AKAP8: variants seen among roughly 807,000 people sequenced by gnomAD.
AKAP8 encodes A-kinase anchoring protein 8.
A neutral mutation model predicts 67.5 loss-of-function variants in AKAP8; 24 were observed. That is an observed-to-expected ratio of 0.36 (90% CI 0.26 to 0.50). AKAP8 has a LOEUF of 0.50. AKAP8 is among the 20% of genes least tolerant of loss of function. AKAP8 has a pLI of 0.97. For missense variants in AKAP8, 971 were observed against 955.9 expected (o/e 1.02, Z -0.21); for synonymous variants, 400 against 371.1 (o/e 1.08, Z -0.90).
chr19:15,360,306 C>T (rs944613590), intron 12 of AKAP8, among the ~76,000 whole-genome samples: 21 of 152,180 alleles, frequency 1.4e-4, no homozygotes, highest in Non-Finnish European at 1.8e-4. Flanking sequence ...GCAGAGCAAA[C>T]GCAGCCACAG....
intron 2 of AKAP8, 99 bp from the exon 3 acceptor site, chr19:15,374,734 G>T: frequency 7.0e-7 from 1 of 1,435,756 alleles, no homozygotes; most frequent in Non-Finnish European, 9.7e-7. Flanking sequence ...CCCAGGGCCA[G>T]GGCTTCCCTC....
At chr19:15,364,338 TTTTTA>T (rs918510451) in intron 9 of AKAP8, among the ~76,000 whole-genome samples, 8 of 151,362 alleles carry the variant, frequency 5.3e-5, no homozygotes, top group East Asian at 3.9e-4. Context: ...AATTTTTGTA[TTTTTA>T]TTTTATTTTA....
intron 11 of AKAP8, 22 bp from the exon 12 acceptor site, chr19:15,361,000 G>A (rs1395772997): frequency 1.9e-6 from 3 of 1,609,564 alleles, no homozygotes; most frequent in Non-Finnish European, 2.5e-6. Flanking sequence ...CGCATGTCTT[G>A]TAGGATCTGG....
chr19:15,361,704 C>T, intron 11 of AKAP8, 25 bp downstream of exon 11: 1 of 1,584,744 alleles, frequency 6.3e-7, no homozygotes, highest in Non-Finnish European at 8.7e-7. Flanking sequence ...TCCAGGAAAG[C>T]ACTCATCCTG....
chr19:15,364,104 T>C (rs867837575), intron 9 of AKAP8, among the ~76,000 whole-genome samples: 293 of 7,750 alleles, frequency 0.038, 13 homozygotes, highest in African/African-American at 0.16. Context: ...AAATTGGCAG[T>C]GGGCAAAAAA....
chr19:15,368,701 AAGAGGC>A (rs1288027751), intron 8 of AKAP8: 10 of 985,188 alleles, frequency 1.0e-5, no homozygotes, highest in Non-Finnish European at 1.1e-5. Context: ...TCCCCGGATG[AAGAGGC>A]GGCAGCTGAA....
chr19:15,368,798 G>A (rs940322603), intron 8 of AKAP8: 16 of 985,194 alleles, frequency 1.6e-5, no homozygotes, highest in Admixed American at 1.2e-4. Flanking sequence ...TGGCGGCCCC[G>A]TCTGAACTAG....
Position 15,369,162 on chromosome 19 carries a change from G to A in AKAP8, c.1073-840C>T. 1.0e-6 allele frequency: 1 copy of A among 985,530 alleles called. No individual in the cohort carries two copies. The highest frequency in any genetic ancestry group is 1.2e-6 in the Non-Finnish European group (1 of 829,984). 61.0% of individuals were successfully genotyped at this position (985,530 alleles called of 1,614,324 possible). A position where few individuals can be genotyped will look rare whatever the true frequency, so the allele number is the denominator to read the frequency against. ...AGGGCGTGTGGGATTTTTGGCAAGAGGTCACTGCCTGAAACTATGACTGCT... is the reference window on the plus strand; with the variant it reads ...AGGGCGTGTGGGATTTTTGGCAAGAAGTCACTGCCTGAAACTATGACTGCT... On this transcript the variant is annotated intron_variant, in intron 8 of 13. Coordinates refer to ENST00000269701, the MANE Select transcript of AKAP8 (RefSeq NM_005858.4). This position sits in a 1 kb window ranked among gnomAD's most constrained non-coding sequence, Gnocchi z 4.6.
In AKAP8 at chr19:15,354,994, ACT is replaced by A. The variant is rs767226233; in HGVS notation, c.1998_1999del (p.Arg666SerfsTer11). Reference sequence around the variant, plus strand: ...ATCCGCGGCAGCTGGGGCAGGAGCAACTCTGGTTTGGGCACTTTCTGCCTCTG... The same window carrying A: ...ATCCGCGGCAGCTGGGGCAGGAGCAACTGGTTTGGGCACTTTCTGCCTCTG... On this transcript the variant is annotated frameshift_variant, in exon 14 of 14. Transcript: ENST00000269701. LOFTEE classifies it low-confidence loss of function (END_TRUNC). The A allele has an allele frequency of 6.2e-7, 1 of 1,613,476 alleles. No individual in the cohort carries two copies. The highest frequency in any genetic ancestry group is 1.1e-5 in the South Asian group (1 of 91,012).
At chr19:15,361,696 C>T (rs770473890) in intron 11 of AKAP8, 33 bp downstream of exon 11, 18 of 1,579,158 alleles carry the variant, frequency 1.1e-5, no homozygotes, top group East Asian at 4.5e-5. Context: ...TACTACCATC[C>T]AGGAAAGCAC....
chr19:15,377,085 T>C (rs1206496157), intron 1 of AKAP8, 71 bp from the exon 2 acceptor site: 19 of 1,509,646 alleles, frequency 1.3e-5, no homozygotes, highest in Non-Finnish European at 1.7e-5. Context: ...GGGGTACTCC[T>C]AAAGGGATCT....
At chr19:15,378,807 C>G (rs1247108406) in intron 1 of AKAP8, among the ~76,000 whole-genome samples, 1 of 152,204 alleles carries the variant, frequency 6.6e-6, no homozygotes, top group East Asian at 1.9e-4. Context: ...CCAAAAGGCT[C>G]TGATTCCAGA....
Position 15,354,932 on chromosome 19 carries a change from C to G in AKAP8, c.2062G>C (p.Ala688Pro), listed in dbSNP as rs749222352. The G allele has an allele frequency of 5.0e-6, 8 of 1,613,756 alleles. No individual in the cohort carries two copies. Among genetic ancestry groups the G allele is most frequent in the Non-Finnish European group, 5.9e-6 (7 of 1,179,862 alleles). Residue 688 changes from alanine (A) to proline (P), a missense_variant, in exon 14 of 14, where the codon GCT becomes CCT. Coordinates refer to ENST00000269701, the MANE Select transcript of AKAP8 (RefSeq NM_005858.4). ...VEQTDAESKD[A>P]VPTE ...AATGAGCATCATTCTGTGGGAACAG[C>G]GTCTTTAGACTCTGCATCAGTTTGT...
chr19:15,376,139 C>T (rs1599574242), intron 2 of AKAP8, among the ~76,000 whole-genome samples: 2 of 152,116 alleles, frequency 1.3e-5, no homozygotes, highest in African/African-American at 2.4e-5. Context: ...GCTCGGGTCT[C>T]GAACTCCCAG....
Position 15,373,881 on chromosome 19 carries a change from G to A in AKAP8, c.276C>T (p.Leu92=), listed in dbSNP as rs1228051725. 9.9e-6 allele frequency: 16 copies of A among 1,613,394 alleles called. No homozygotes were observed. In the East Asian group the frequency reaches 2.9e-4, roughly 29 times the overall value. ...PEPCTDNSDS[L]IAKINQRLDM... ...CCAAACGCTGGTTGATCTTGGCAAT[G>A]AGGGAGTCGGAATTGTCGGTGCATG... Residue 92 remains leucine, a synonymous_variant, in exon 4 of 14, where the codon CTC becomes CTT. Transcript: ENST00000269701.
Position 15,369,138 on chromosome 19 carries a change from G to A in AKAP8, c.1073-816C>T. The A allele has an allele frequency of 3.0e-6, 3 of 985,484 alleles. No individual in the cohort carries two copies. Among genetic ancestry groups the A allele is most frequent in the Non-Finnish European group, 3.6e-6 (3 of 829,964 alleles). 61.0% of individuals were successfully genotyped at this position (985,484 alleles called of 1,614,324 possible). ...TGCGCTGCTCAGAAGCCTCTCAAAAGGGCGTGTGGGATTTTTGGCAAGAGG... is the reference window on the plus strand; with the variant it reads ...TGCGCTGCTCAGAAGCCTCTCAAAAAGGCGTGTGGGATTTTTGGCAAGAGG... On this transcript the variant is annotated intron_variant, in intron 8 of 13. Transcript: ENST00000269701. This position sits in a 1 kb window ranked among gnomAD's most constrained non-coding sequence, Gnocchi z 4.6.
At chr19:15,359,791 T>C (rs1174806628) in intron 12 of AKAP8, among the ~76,000 whole-genome samples, 3 of 152,142 alleles carry the variant, frequency 2.0e-5, no homozygotes, top group Admixed American at 6.6e-5. Flanking sequence ...AGAGCCTGAC[T>C]TGTTTGCACA....
intron 9 of AKAP8, 64 bp from the exon 10 acceptor site, chr19:15,362,315 C>CA (rs1472339357): frequency 6.3e-7 from 1 of 1,579,026 alleles, no homozygotes; most frequent in Non-Finnish European, 8.7e-7. Context: ...CAGGGGGCAT[C>CA]AGCTCACCTC....
At chr19:15,375,393 C>T (rs909301077) in intron 2 of AKAP8, among the ~76,000 whole-genome samples, 14 of 152,116 alleles carry the variant, frequency 9.2e-5, no homozygotes, top group African/African-American at 3.4e-4. Flanking sequence ...GCACACTGCC[C>T]GTAGCCCTGT....
Sources: gnomAD v4.1 joint callset for allele counts (sites outside exome capture counted in the v4.1 genomes callset) on GRCh38, gnomAD v4.1.1 for gene constraint, Gnocchi (gnomAD v3.1) non-coding constraint, MANE v1.5 for transcripts, NCBI Gene and HGNC (gene_info 2026-07-23, HGNC 2026-07-21) for gene names.